Variants in TRAPPC9 observed in about 807,000 individuals in gnomAD.
TRAPPC9 encodes the protein trafficking protein particle complex subunit 9, also known as IKK2 binding protein.
In TRAPPC9, 83 loss-of-function variants were observed where a neutral mutation model predicts 124.0. The observed-to-expected ratio is 0.67, with a 90% CI of 0.56 to 0.80. The LOEUF (loss-of-function observed/expected upper bound fraction) is 0.80, where lower values mean the gene tolerates loss of function less well. Ranked by LOEUF, TRAPPC9 falls within the 30% of genes least tolerant of loss-of-function variation. The pLI is 0.00. For missense variants in TRAPPC9, 1,302 were observed against 1,508.3 expected (o/e 0.86, Z 2.27); for synonymous variants, 638 against 617.5 (o/e 1.03, Z -0.49).
intron 17 of TRAPPC9, among the ~76,000 whole-genome samples, chr8:140,076,340 G>A (rs183658339): frequency 9.9e-5 from 15 of 152,244 alleles, no homozygotes; most frequent in African/African-American, 2.9e-4. Context: ...GTGGGCCTTC[G>A]GTGACACTCT....
At chr8:140,109,775 AC>A in intron 17 of TRAPPC9, among the ~76,000 whole-genome samples, 1 of 152,224 alleles carries the variant, frequency 6.6e-6, no homozygotes, top group South Asian at 2.1e-4. Flanking sequence ...AACCTCTCCC[AC>A]CTGAAAGCAT....
rs556152616 is a variant in TRAPPC9 at position 140,005,003 on chromosome 8, G to A, written c.2700-16167C>T. Among the ~76,000 whole-genome samples, 9 of 152,278 alleles carry A rather than the reference G, an allele frequency of 5.9e-5. No homozygotes were observed. The South Asian group carries it at 1.0e-3, about 18-fold the overall frequency. ...AGAATGGGTAGTCAATATGAGACTG[G>A]AGAGCTTTTTCACATTTTAAGAAAG... On this transcript the variant is annotated intron_variant, in intron 18 of 22. Transcript: ENST00000438773.
At chr8:139,791,331 A>C (rs1005121871) in intron 21 of TRAPPC9, among the ~76,000 whole-genome samples, 7 of 145,598 alleles carry the variant, frequency 4.8e-5, no homozygotes, top group African/African-American at 1.5e-4. Flanking sequence ...GCACAGACAC[A>C]CACACGCTCA....
chr8:139,855,584 T>C (rs1211213904), intron 21 of TRAPPC9, among the ~76,000 whole-genome samples: 2 of 152,166 alleles, frequency 1.3e-5, no homozygotes, highest in Non-Finnish European at 2.9e-5. Context: ...TAAGATTCCC[T>C]GGAAGGTGAG....
chr8:139,857,230 G>A (rs995746544), intron 21 of TRAPPC9, among the ~76,000 whole-genome samples: 12 of 152,184 alleles, frequency 7.9e-5, no homozygotes, highest in Non-Finnish European at 1.0e-4. Flanking sequence ...AGAGGCTGGC[G>A]GCGGCTCATG....
intron 17 of TRAPPC9, among the ~76,000 whole-genome samples, chr8:140,175,907 A>G (rs560832595): frequency 6.6e-6 from 1 of 152,380 alleles, no homozygotes; most frequent in African/African-American, 2.4e-5. Flanking sequence ...CCTACTGAAC[A>G]TACACTTATT....
At chr8:139,903,528 G>A (rs1319581336) in intron 20 of TRAPPC9, among the ~76,000 whole-genome samples, 1 of 152,106 alleles carries the variant, frequency 6.6e-6, no homozygotes, top group Non-Finnish European at 1.5e-5. Flanking sequence ...AAAATGAAAG[G>A]GTGAGTTGAC....
intron 9 of TRAPPC9, among the ~76,000 whole-genome samples, chr8:140,327,627 A>G (rs2066773411): frequency 6.6e-6 from 1 of 152,262 alleles, no homozygotes; most frequent in Non-Finnish European, 1.5e-5. Context: ...GATAAACCTT[A>G]AAACATGCTA....
intron 19 of TRAPPC9, among the ~76,000 whole-genome samples, chr8:139,915,646 A>G (rs1832076116): frequency 6.6e-6 from 1 of 152,222 alleles, no homozygotes. Context: ...CTGGGCCCAC[A>G]GTCCAGGATT....
At chr8:139,797,265 T>C (rs933210122) in intron 21 of TRAPPC9, among the ~76,000 whole-genome samples, 1 of 152,208 alleles carries the variant, frequency 6.6e-6, no homozygotes. Flanking sequence ...AAGTCCAATT[T>C]ATTTATTTTT....
intron 21 of TRAPPC9, among the ~76,000 whole-genome samples, chr8:139,830,011 TG>T (rs1265682883): frequency 3.3e-5 from 5 of 152,058 alleles, no homozygotes; most frequent in African/African-American, 1.2e-4. Flanking sequence ...AAGAGTGACA[TG>T]GAAGGAGAGA....
chr8:139,982,806 A>T (rs1313909077), intron 19 of TRAPPC9, among the ~76,000 whole-genome samples: 1 of 152,306 alleles, frequency 6.6e-6, no homozygotes, highest in Middle Eastern at 3.4e-3. Context: ...AAGAAATATG[A>T]TAAGAGTGGC....
At chr8:140,115,270 G>GC (rs2060857303) in intron 17 of TRAPPC9, among the ~76,000 whole-genome samples, 1 of 142,536 alleles carries the variant, frequency 7.0e-6, no homozygotes, top group African/African-American at 2.5e-5. Context: ...TGTTATAATG[G>GC]TTTTTTTTTT....
At chr8:140,411,059 T>C (rs1232230288) in intron 5 of TRAPPC9, among the ~76,000 whole-genome samples, 1 of 152,152 alleles carries the variant, frequency 6.6e-6, no homozygotes, top group Non-Finnish European at 1.5e-5. Context: ...ACCCTGTGTA[T>C]TTATCCTTGG....
At chr8:139,980,122 G>GC (rs374523539) in intron 19 of TRAPPC9, among the ~76,000 whole-genome samples, 7 of 151,876 alleles carry the variant, frequency 4.6e-5, no homozygotes, top group Non-Finnish European at 1.0e-4. Context: ...GCAGCTCCAT[G>GC]CCCCCCCAGA....
At chr8:140,448,823 C>G (rs911833978) in intron 2 of TRAPPC9, among the ~76,000 whole-genome samples, 1 of 152,234 alleles carries the variant, frequency 6.6e-6, no homozygotes, top group African/African-American at 2.4e-5. Flanking sequence ...GGTAGAAAGG[C>G]CCCGGGCCTC....
chr8:140,250,897 TAGA>T (rs1563882747), intron 16 of TRAPPC9, among the ~76,000 whole-genome samples: 1 of 152,156 alleles, frequency 6.6e-6, no homozygotes, highest in Non-Finnish European at 1.5e-5. Flanking sequence ...TTTTAAAAGA[TAGA>T]AGAAGGTATT....
At position 140,012,514 on chromosome 8, in the gene TRAPPC9, G is replaced by A. The variant is rs73355356; in HGVS notation, c.2699+11423C>T. ...CACAGTTTCTTACTGGAATCCTCCC[G>A]ACAGCCCGATAAGGAGGCCCGCTTT... On this transcript the variant is annotated intron_variant, in intron 18 of 22. Transcript: ENST00000438773. 1.5e-3 allele frequency among the ~76,000 whole-genome samples: 226 copies of A among 152,296 alleles called. 2 individuals are homozygous for A. Among genetic ancestry groups the A allele is most frequent in the African/African-American group, 5.2e-3 (217 of 41,562 alleles).
At chr8:140,078,518 G>T (rs367975364) in intron 17 of TRAPPC9, among the ~76,000 whole-genome samples, 1 of 152,176 alleles carries the variant, frequency 6.6e-6, no homozygotes, top group East Asian at 1.9e-4. Flanking sequence ...AGGTGGGATG[G>T]GGCAGGGATG....
Sources: allele counts gnomAD v4.1 joint callset (sites outside exome capture counted in the v4.1 genomes callset), GRCh38; gene constraint gnomAD v4.1.1; transcripts MANE v1.5; gene names NCBI Gene and HGNC (gene_info 2026-07-23, HGNC 2026-07-21).